NELL1: variants seen among roughly 807,000 people sequenced by gnomAD.
NELL1 encodes the protein protein kinase C-binding protein NELL1.
In NELL1, 76 loss-of-function variants were observed where a neutral mutation model predicts 107.4. The ratio of observed to expected loss-of-function variants is 0.71; its 90% CI spans 0.59 to 0.86. The LOEUF (loss-of-function observed/expected upper bound fraction) is 0.86, where lower values mean the gene tolerates loss of function less well. Ranked by LOEUF, NELL1 falls within the 40% of genes least tolerant of loss-of-function variation. The pLI is 0.00. For missense variants in NELL1, 1,024 were observed against 1,005.5 expected (o/e 1.02, Z -0.25); for synonymous variants, 353 against 341.2 (o/e 1.03, Z -0.38).
Position 21,420,644 on chromosome 11 carries a change from C to G in NELL1, c.1645+49696C>G, listed in dbSNP as rs193057967. On this transcript the variant is annotated intron_variant, in intron 15 of 19. Transcript: ENST00000357134. The stretch of plus-strand genomic sequence containing the variant: ...AATTTCTCTGAAGAGTAATTAGACT[C>G]CCAGGTCCCCTTTCAGACAGAAGCT... Among the ~76,000 whole-genome samples, 9 of 152,204 alleles carry G rather than the reference C, an allele frequency of 5.9e-5. No individual in the cohort carries two copies. In the East Asian group the frequency reaches 1.6e-3, roughly 26 times the overall value.
chr11:21,470,580 GTAT>G (rs1446489018), intron 15 of NELL1, among the ~76,000 whole-genome samples: 1 of 152,088 alleles, frequency 6.6e-6, no homozygotes, highest in Admixed American at 6.6e-5. Context: ...TGCCTCTTCT[GTAT>G]GTTCACTTGG....
intron 2 of NELL1, among the ~76,000 whole-genome samples, chr11:20,740,411 C>T (rs187925843): frequency 6.6e-5 from 10 of 152,298 alleles, no homozygotes; most frequent in East Asian, 3.9e-4. Context: ...TGCATTTCCC[C>T]GGTCCCAGGC....
At chr11:21,240,628 C>T (rs1440242530) in intron 14 of NELL1, among the ~76,000 whole-genome samples, 1 of 151,956 alleles carries the variant, frequency 6.6e-6, no homozygotes, top group East Asian at 1.9e-4. Flanking sequence ...AGTACATTAA[C>T]AAGATTGGGG....
chr11:21,403,943 A>G (rs1007748232), intron 15 of NELL1, among the ~76,000 whole-genome samples: 1 of 147,674 alleles, frequency 6.8e-6, no homozygotes, highest in Non-Finnish European at 1.5e-5. Context: ...TCCGTGACTT[A>G]TGGACTGTAT....
intron 14 of NELL1, among the ~76,000 whole-genome samples, chr11:21,326,665 C>G (rs1454090801): frequency 2.0e-5 from 3 of 151,688 alleles, no homozygotes; most frequent in African/African-American, 4.8e-5. Flanking sequence ...TGCAAATTTG[C>G]TGGTGGTAAT....
intron 12 of NELL1, among the ~76,000 whole-genome samples, chr11:21,083,882 T>A (rs1854327218): frequency 6.6e-6 from 1 of 152,176 alleles, no homozygotes; most frequent in African/African-American, 2.4e-5. Context: ...ATGTTAAAAG[T>A]GTTAATTTAT....
intron 13 of NELL1, among the ~76,000 whole-genome samples, chr11:21,156,131 C>A (rs1261568350): frequency 2.0e-5 from 3 of 151,958 alleles, no homozygotes; most frequent in African/African-American, 7.3e-5. Flanking sequence ...AACCTGAGGG[C>A]ATCTGTTAAA....
chr11:20,891,831 T>C (rs1029472790), intron 5 of NELL1, among the ~76,000 whole-genome samples: 6 of 152,260 alleles, frequency 3.9e-5, no homozygotes, highest in South Asian at 4.2e-4. Context: ...AATACATATA[T>C]GCACCCAATA....
At position 21,522,834 on chromosome 11, in the gene NELL1, C is replaced by CTTTTTTTTTTTTT. The variant is rs66707466; in HGVS notation, c.1646-11528_1646-11516dup. ...ATCTTGAATCCTATTTTTTTCTTTT[C>CTTTTTTTTTTTTT]TTTTTTTTTTTTTTTTTTTTTTTTG... On this transcript the variant is annotated intron_variant, in intron 15 of 19. Coordinates refer to ENST00000357134, the MANE Select transcript of NELL1 (RefSeq NM_006157.5). Among the ~76,000 whole-genome samples, 33 of 68,436 alleles carry CTTTTTTTTTTTTT rather than the reference C, an allele frequency of 4.8e-4. 1 individual carries two copies. The highest frequency in any genetic ancestry group is 9.4e-4 in the Admixed American group (4 of 4,268). 44.9% of individuals were successfully genotyped at this position (68,436 alleles called of 152,430 possible). A position where few individuals can be genotyped will look rare whatever the true frequency, so the allele number is the denominator to read the frequency against.
At chr11:21,045,131 A>G (rs1420780262) in intron 12 of NELL1, among the ~76,000 whole-genome samples, 1 of 152,172 alleles carries the variant, frequency 6.6e-6, no homozygotes, top group Non-Finnish European at 1.5e-5. Context: ...AATAGTGAGA[A>G]AGTAAATAGA....
intron 13 of NELL1, among the ~76,000 whole-genome samples, chr11:21,143,269 G>A (rs148669551): frequency 1.1e-3 from 169 of 152,270 alleles, no homozygotes; most frequent in African/African-American, 3.8e-3. Flanking sequence ...TATCATAATA[G>A]CTTGCAGGAG....
chr11:20,705,805 C>A (rs1174104893), intron 2 of NELL1, among the ~76,000 whole-genome samples: 6 of 151,022 alleles, frequency 4.0e-5, no homozygotes, highest in South Asian at 2.1e-4. Flanking sequence ...CAATGAACGC[C>A]AACAAATTTA....
intron 14 of NELL1, among the ~76,000 whole-genome samples, chr11:21,282,779 C>A (rs1189549855): frequency 3.3e-5 from 5 of 151,978 alleles, no homozygotes; most frequent in African/African-American, 7.3e-5. Flanking sequence ...ATGTAAGTGT[C>A]CATAAAGAAA....
chr11:20,866,050 C>T (rs1665426776), intron 4 of NELL1, among the ~76,000 whole-genome samples: 1 of 152,126 alleles, frequency 6.6e-6, no homozygotes, highest in African/African-American at 2.4e-5. Flanking sequence ...CTATACCACC[C>T]TCCTGCCCCC....
intron 12 of NELL1, among the ~76,000 whole-genome samples, chr11:21,076,968 A>G (rs897123899): frequency 1.3e-5 from 2 of 152,096 alleles, no homozygotes; most frequent in Non-Finnish European, 2.9e-5. Context: ...CTGCAGAACC[A>G]CGAGCCAAAT....
intron 13 of NELL1, among the ~76,000 whole-genome samples, chr11:21,128,269 T>A (rs1263910351): frequency 6.6e-6 from 1 of 152,212 alleles, no homozygotes; most frequent in Non-Finnish European, 1.5e-5. Flanking sequence ...GCCTCATTTA[T>A]GAGATGTGGC....
chr11:21,222,219 G>T (rs559072564), intron 13 of NELL1, among the ~76,000 whole-genome samples: 1 of 151,828 alleles, frequency 6.6e-6, no homozygotes, highest in Non-Finnish European at 1.5e-5. Flanking sequence ...TTGCTCTGTC[G>T]CCGAGGCTGG....
At chr11:21,283,854 C>G (rs563039454) in intron 14 of NELL1, 52 of 220,174 alleles carry the variant, frequency 2.4e-4, no homozygotes, top group African/African-American at 1.1e-3. Flanking sequence ...CTTGGCTACT[C>G]CTGGGATATT....
chr11:20,722,697 G>A (rs1855418988), intron 2 of NELL1, among the ~76,000 whole-genome samples: 1 of 152,128 alleles, frequency 6.6e-6, no homozygotes, highest in African/African-American at 2.4e-5. Context: ...AGCCGAAGAA[G>A]CCAGAGTCAG....
Sources: allele counts gnomAD v4.1 joint callset (sites outside exome capture counted in the v4.1 genomes callset), GRCh38; gene constraint gnomAD v4.1.1; transcripts MANE v1.5; gene names NCBI Gene and HGNC (gene_info 2026-07-23, HGNC 2026-07-21).